Variants in C2CD5 observed in about 807,000 individuals in gnomAD.
C2CD5 encodes C2 calcium dependent domain containing 5.
Under a neutral mutation model 130.3 loss-of-function variants are expected in C2CD5, and 109 were observed. The observed-to-expected ratio is 0.84, with a 90% CI of 0.72 to 0.98. The LOEUF (loss-of-function observed/expected upper bound fraction) is 0.98, where lower values mean the gene tolerates loss of function less well. Ranked by LOEUF, C2CD5 falls within the 50% of genes least tolerant of loss-of-function variation. The pLI is 0.00. For missense variants in C2CD5, 996 were observed against 1,261.8 expected (o/e 0.79, Z 3.19); for synonymous variants, 454 against 429.2 (o/e 1.06, Z -0.71).
At chr12:22,478,873 A>AC (rs1382597233) in intron 14 of C2CD5, among the ~76,000 whole-genome samples, 4 of 151,802 alleles carry the variant, frequency 2.6e-5, no homozygotes, top group Non-Finnish European at 5.9e-5. Context: ...GGAAAAAAAA[A>AC]CAAGAATGTG....
rs61658867 is a variant in C2CD5, at chr12:22,497,942, A to ACAC, written c.1148-4606_1148-4605insGTG. On this transcript the variant is annotated intron_variant, in intron 10 of 26. Coordinates refer to ENST00000446597, the MANE Select transcript of C2CD5 (RefSeq NM_001286176.2). ...CACACACACACACACACACACACAC[A>ACAC]ATGTAACTGGATTTTCATTACTCTA... Among the ~76,000 whole-genome samples, 14 of 148,182 alleles carry ACAC rather than the reference A, an allele frequency of 9.4e-5. No homozygotes were observed. The South Asian group carries it at 2.6e-3, about 27-fold the overall frequency.
Position 22,453,831 on chromosome 12 carries a change from G to T in C2CD5, c.3024+65C>A, listed in dbSNP as rs904556880. 4.1e-6 allele frequency: 6 copies of T among 1,460,432 alleles called. No homozygotes were observed. In the East Asian group the frequency reaches 9.1e-5, roughly 22 times the overall value. The allele number at this position is 1,460,432 out of a possible 1,614,324, so 90.5% of individuals were successfully genotyped here. On this transcript the variant is annotated intron_variant, in intron 26 of 26. Coordinates refer to ENST00000446597, the MANE Select transcript of C2CD5 (RefSeq NM_001286176.2). ...GCAATTCTCTTTTGGAGGGGGTTAG[G>T]GGTAGGAAGCCATGGAAGAAATTCT...
At chr12:22,457,750 T>C (rs945312576) in intron 24 of C2CD5, among the ~76,000 whole-genome samples, 17 of 151,646 alleles carry the variant, frequency 1.1e-4, no homozygotes, top group African/African-American at 3.9e-4. Flanking sequence ...AAGCCAGACA[T>C]ATATATATAT....
chr12:22,520,771 T>C (rs1458409372), intron 7 of C2CD5, among the ~76,000 whole-genome samples: 2 of 152,078 alleles, frequency 1.3e-5, no homozygotes, highest in Non-Finnish European at 2.9e-5. Flanking sequence ...GCACTTTCTA[T>C]TGTCAAGAGA....
chr12:22,456,975 C>T lies in C2CD5; in HGVS notation c.2873G>A (p.Arg958Gln), dbSNP rs1227706100. The T allele has an allele frequency of 2.6e-6, 4 of 1,554,522 alleles. No homozygotes were observed. Among genetic ancestry groups the T allele is most frequent in the African/African-American group, 2.8e-5 (2 of 71,934 alleles). ...MFFIRETTSL[R>Q]EEGGVSGFLH... ...AAATAACTTCTATAAAATTACCTCCCGAAGAGAAGTAGTCTCTCGAATAAA... is the reference window on the plus strand; with the variant it reads ...AAATAACTTCTATAAAATTACCTCCTGAAGAGAAGTAGTCTCTCGAATAAA... Residue 958 changes from arginine to glutamine, a missense_variant, in exon 25 of 27, where the codon CGG (arginine) becomes CAG (glutamine). By Grantham distance (43) the Arg-to-Gln change is conservative. Transcript: ENST00000446597.
At chr12:22,450,785 C>A (rs57095333) in intron 26 of C2CD5, among the ~76,000 whole-genome samples, 7,876 of 152,044 alleles carry the variant, frequency 0.052, 696 homozygotes, top group African/African-American at 0.18. Context: ...TGTATTAGCA[C>A]AACATTTACT....
rs975732133 is a variant in C2CD5, at chr12:22,534,057, G to A, written c.177+1201C>T. The stretch of plus-strand genomic sequence containing the variant: ...AAAAAAATTAGCCAGGCATGATGGC[G>A]CATGCCTGTAATCCCAGCTACTAGG... On this transcript the variant is annotated intron_variant, in intron 3 of 26. Coordinates refer to ENST00000446597, the MANE Select transcript of C2CD5 (RefSeq NM_001286176.2). Among the ~76,000 whole-genome samples the A allele has an allele frequency of 1.3e-4, 20 of 152,258 alleles. No individual in the cohort carries two copies. In the East Asian group the frequency reaches 3.3e-3, roughly 25 times the overall value.
intron 22 of C2CD5, 104 bp downstream of exon 22, chr12:22,469,605 G>T: frequency 1.7e-6 from 1 of 579,914 alleles, no homozygotes. Flanking sequence ...GGGAATGAAG[G>T]ATAAATTTTC....
chr12:22,530,577 C>T (rs1448875372), intron 3 of C2CD5, among the ~76,000 whole-genome samples: 1 of 151,820 alleles, frequency 6.6e-6, no homozygotes, highest in Non-Finnish European at 1.5e-5. Context: ...TGGGCCTCGG[C>T]CTCCCACATA....
chr12:22,498,671 A>G (rs1257316285), intron 10 of C2CD5, among the ~76,000 whole-genome samples: 1 of 152,218 alleles, frequency 6.6e-6, no homozygotes, highest in African/African-American at 2.4e-5. Context: ...TGATTGAGAA[A>G]AACTTAAGTA....
chr12:22,482,824 G>A, intron 13 of C2CD5, 81 bp from the exon 14 acceptor site: 1 of 971,460 alleles, frequency 1.0e-6, no homozygotes, highest in Non-Finnish European at 1.6e-6. Flanking sequence ...TGCTAAAAGT[G>A]TGCTGAATAA....
At chr12:22,527,016 CATGGCATGTGCCTGCA>C (rs943133877) in intron 4 of C2CD5, among the ~76,000 whole-genome samples, 1 of 152,176 alleles carries the variant, frequency 6.6e-6, no homozygotes, top group African/African-American at 2.4e-5. Flanking sequence ...AGCCAGGTGT[CATGGCATGTGCCTGCA>C]ATGGCATGTG....
chr12:22,457,921 A>G (rs1940279855), intron 24 of C2CD5, among the ~76,000 whole-genome samples: 1 of 152,126 alleles, frequency 6.6e-6, no homozygotes, highest in African/African-American at 2.4e-5. Context: ...CTGGTTTCAC[A>G]TCCTATATTA....
chr12:22,487,329 A>C (rs1267162550), intron 12 of C2CD5, among the ~76,000 whole-genome samples: 2 of 152,152 alleles, frequency 1.3e-5, no homozygotes, highest in African/African-American at 2.4e-5. Context: ...TAATATCCAG[A>C]ATCTACAATG....
Position 22,479,369 on chromosome 12 carries a change from C to T in C2CD5, c.1738-892G>A, listed in dbSNP as rs562065119. Among the ~76,000 whole-genome samples the T allele has an allele frequency of 5.9e-5, 9 of 151,596 alleles. No individual in the cohort carries two copies. The East Asian group carries it at 1.6e-3, about 26-fold the overall frequency. On this transcript the variant is annotated intron_variant, in intron 14 of 26. Coordinates refer to ENST00000446597, the MANE Select transcript of C2CD5 (RefSeq NM_001286176.2). Reference sequence around the variant, plus strand: ...GATTACGGGCCTGAGTCACTGGGCCCGGACCTACCTCATAATTTAAAAAAA... The same window carrying T: ...GATTACGGGCCTGAGTCACTGGGCCTGGACCTACCTCATAATTTAAAAAAA...
intron 4 of C2CD5, among the ~76,000 whole-genome samples, chr12:22,525,955 T>C (rs2137065253): frequency 2.0e-5 from 3 of 152,336 alleles, no homozygotes; most frequent in Admixed American, 2.0e-4. Flanking sequence ...AACTGTAGGC[T>C]AATATAAGTG....
intron 22 of C2CD5, among the ~76,000 whole-genome samples, chr12:22,467,781 A>G (rs1008455446): frequency 6.6e-6 from 1 of 152,182 alleles, no homozygotes; most frequent in Admixed American, 6.6e-5. Context: ...CTCTACTCAA[A>G]TTCTTATTTT....
At chr12:22,540,267 C>T (rs1313015176) in intron 2 of C2CD5, among the ~76,000 whole-genome samples, 2 of 152,182 alleles carry the variant, frequency 1.3e-5, no homozygotes, top group African/African-American at 4.8e-5. Context: ...GAGGCACTCC[C>T]TATTCTGTGT....
At chr12:22,458,977 T>G (rs1940549919) in intron 23 of C2CD5, 2 of 157,244 alleles carry the variant, frequency 1.3e-5, no homozygotes, top group Middle Eastern at 3.1e-3. Context: ...AATAATTCAT[T>G]TCCCTAGTTT....
Sources: gnomAD v4.1 joint callset for allele counts (sites outside exome capture counted in the v4.1 genomes callset) on GRCh38, gnomAD v4.1.1 for gene constraint, MANE v1.5 for transcripts, NCBI Gene and HGNC (gene_info 2026-07-23, HGNC 2026-07-21) for gene names.